Variants in NXPE4 observed in about 807,000 individuals in gnomAD.
NXPE4 encodes the protein NXPE family member 4.
In NXPE4, 42 loss-of-function variants were observed where a neutral mutation model predicts 33.3. The ratio of observed to expected loss-of-function variants is 1.26; its 90% CI spans 0.98 to 1.63. The LOEUF is 1.63. Among genes scored for constraint, NXPE4 ranks in the 40% most tolerant of loss-of-function variants. The pLI is 0.00. For missense variants in NXPE4, 709 were observed against 647.6 expected, an observed-to-expected ratio of 1.09 and a Z score of -1.03; for synonymous variants, 253 against 234.9, an observed-to-expected ratio of 1.08 and a Z score of -0.71.
At chr11:114,665,600 A>G in the NXPE4 span, among the ~76,000 whole-genome samples, 1 of 152,186 alleles carries the variant, frequency 6.6e-6, no homozygotes, top group Non-Finnish European at 1.5e-5. Context: ...TATTAGTAGG[A>G]CAGGACAGCA....
chr11:114,577,257 G>T (rs1301592824), intron 5 of NXPE4, among the ~76,000 whole-genome samples: 1 of 151,030 alleles, frequency 6.6e-6, no homozygotes, highest in Non-Finnish European at 1.5e-5. Context: ...CAGCAACCTG[G>T]ATGGAATGGG....
the NXPE4 span, among the ~76,000 whole-genome samples, chr11:114,618,374 G>C: frequency 0.16 from 24,835 of 151,972 alleles, 2,563 homozygotes; most frequent in Non-Finnish European, 0.22. Flanking sequence ...TGCCTCATGG[G>C]TAGTCACTGT....
intron 2 of NXPE4, among the ~76,000 whole-genome samples, chr11:114,590,257 C>A (rs1591352362): frequency 6.6e-6 from 1 of 152,174 alleles, no homozygotes; most frequent in Admixed American, 6.6e-5. Flanking sequence ...AATTTCTTAG[C>A]TGACAGAGCA....
intron 5 of NXPE4, among the ~76,000 whole-genome samples, chr11:114,579,401 T>A (rs1172814959): frequency 6.6e-6 from 1 of 152,206 alleles, no homozygotes; most frequent in Non-Finnish European, 1.5e-5. Flanking sequence ...ACTATTATTA[T>A]TCCTGGTTGA....
the NXPE4 span, among the ~76,000 whole-genome samples, chr11:114,619,440 G>A: frequency 3.4e-5 from 5 of 147,904 alleles, no homozygotes; most frequent in Non-Finnish European, 6.0e-5. Context: ...ACTGTTACCC[G>A]GTGGAGAATA....
chr11:114,620,208 T>A, the NXPE4 span, among the ~76,000 whole-genome samples: 1 of 152,106 alleles, frequency 6.6e-6, no homozygotes, highest in Non-Finnish European at 1.5e-5. Context: ...TACTAACTTT[T>A]GCCTGATGGG....
chr11:114,627,738 A>T, the NXPE4 span, among the ~76,000 whole-genome samples: 3 of 152,176 alleles, frequency 2.0e-5, no homozygotes, highest in African/African-American at 7.2e-5. Flanking sequence ...TTGGTTAAAG[A>T]GTCAAGACCC....
the NXPE4 span, among the ~76,000 whole-genome samples, chr11:114,647,858 T>C: frequency 6.6e-6 from 1 of 152,142 alleles, no homozygotes; most frequent in East Asian, 1.9e-4. Flanking sequence ...CCTGCCACTG[T>C]GCATGGCTAA....
chr11:114,577,372 G>C (rs895737141), intron 5 of NXPE4, among the ~76,000 whole-genome samples: 2 of 151,770 alleles, frequency 1.3e-5, no homozygotes, highest in Admixed American at 6.6e-5. Flanking sequence ...GCTTAAGAAT[G>C]ATACAGTGGA....
chr11:114,604,543 C>G, the NXPE4 span, among the ~76,000 whole-genome samples: 1 of 151,934 alleles, frequency 6.6e-6, no homozygotes, highest in Non-Finnish European at 1.5e-5. Context: ...TAAGTATTTC[C>G]TTGTGGATAA....
At chr11:114,606,712 C>T in the NXPE4 span, among the ~76,000 whole-genome samples, 1 of 150,370 alleles carries the variant, frequency 6.7e-6, no homozygotes, top group African/African-American at 2.4e-5. Flanking sequence ...GTAATAAGGA[C>T]TGTCTCATGG....
chr11:114,636,163 G>A, the NXPE4 span, among the ~76,000 whole-genome samples: 2 of 151,910 alleles, frequency 1.3e-5, no homozygotes, highest in Non-Finnish European at 2.9e-5. Flanking sequence ...TCTATTCAGA[G>A]ATTCAACTTC....
the NXPE4 span, among the ~76,000 whole-genome samples, chr11:114,659,243 G>C: frequency 1.3e-5 from 2 of 152,056 alleles, no homozygotes; most frequent in Non-Finnish European, 2.9e-5. Flanking sequence ...GTACAGAAAA[G>C]GAAGAAAAAT....
At chr11:114,581,834 G>A in intron 3 of NXPE4, 48 bp from the exon 4 acceptor site, 1 of 1,299,782 alleles carries the variant, frequency 7.7e-7, no homozygotes, top group Non-Finnish European at 1.1e-6. Context: ...CCTCAAATCA[G>A]GAAACATACA....
At chr11:114,579,993 A>G in intron 5 of NXPE4, 139 bp downstream of exon 5, 1 of 703,940 alleles carries the variant, frequency 1.4e-6, no homozygotes, top group Non-Finnish European at 2.5e-6. Context: ...GAAGGATAAC[A>G]ATGCCTTGTG....
Position 114,592,198 on chromosome 11 carries a change from A to G in NXPE4, c.96+2466T>C, listed in dbSNP as rs376806493. On this transcript the variant is annotated intron_variant, in intron 2 of 5. Coordinates refer to ENST00000375478, the MANE Select transcript of NXPE4 (RefSeq NM_001077639.2). Reference sequence around the variant, plus strand: ...AGCAATTAAGTCAGAGAAATAAATAAAGGGCATACAAGTTGGAAAGAAGGA... The same window carrying G: ...AGCAATTAAGTCAGAGAAATAAATAGAGGGCATACAAGTTGGAAAGAAGGA... Among the ~76,000 whole-genome samples the G allele has an allele frequency of 2.6e-5, 4 of 152,244 alleles. No homozygotes were observed. In the East Asian group the frequency reaches 5.8e-4, roughly 22 times the overall value.
At chr11:114,606,368 A>T in the NXPE4 span, among the ~76,000 whole-genome samples, 4 of 151,620 alleles carry the variant, frequency 2.6e-5, no homozygotes, top group East Asian at 7.8e-4. Flanking sequence ...TACCCAGTGG[A>T]TACTTAGTGT....
the NXPE4 span, among the ~76,000 whole-genome samples, chr11:114,618,273 T>A: frequency 2.0e-5 from 3 of 152,020 alleles, no homozygotes; most frequent in African/African-American, 7.2e-5. Flanking sequence ...CACTGGATAA[T>A]AAGTATTACC....
chr11:114,675,251 A>G, the NXPE4 span, among the ~76,000 whole-genome samples: 1 of 151,846 alleles, frequency 6.6e-6, no homozygotes, highest in African/African-American at 2.4e-5. Context: ...AAGATGAGGA[A>G]TAAGAGGATA....
Sources: gnomAD v4.1 joint callset for allele counts (sites outside exome capture counted in the v4.1 genomes callset) on GRCh38, gnomAD v4.1.1 for gene constraint, MANE v1.5 for transcripts, NCBI Gene and HGNC (gene_info 2026-07-23, HGNC 2026-07-21) for gene names.